Variants in PIK3CB observed in about 807,000 individuals in gnomAD.
The protein encoded by PIK3CB is phosphatidylinositol-4,5-bisphosphate 3-kinase catalytic subunit beta.
PIK3CB carries 39 observed loss-of-function variants against 136.8 expected under a neutral mutation model. The observed-to-expected ratio is 0.29, with a 90% CI of 0.22 to 0.37. The LOEUF (loss-of-function observed/expected upper bound fraction) is 0.37, where lower values mean the gene tolerates loss of function less well. Among genes scored for constraint, PIK3CB ranks in the 10% least tolerant of loss-of-function variants. The probability of loss-of-function intolerance (pLI) is 1.00; values close to 1 mark genes in which losing one functional copy is unlikely to be tolerated. For synonymous variants in PIK3CB, 428 were observed against 436.6 expected, an observed-to-expected ratio of 0.98 and a Z score of 0.25; for missense variants, 868 against 1,275.4, an observed-to-expected ratio of 0.68 and a Z score of 4.87.
At chr3:138,664,985 T>C in intron 20 of PIK3CB, 51 bp downstream of exon 20, 1 of 1,306,594 alleles carries the variant, frequency 7.7e-7, no homozygotes, top group Non-Finnish European at 1.1e-6. Flanking sequence ...GCATACAGTA[T>C]TTGTTTGGCT....
intron 1 of PIK3CB, among the ~76,000 whole-genome samples, chr3:138,811,624 C>T (rs1933062984): frequency 6.6e-6 from 1 of 152,044 alleles, no homozygotes; most frequent in African/African-American, 2.4e-5. Context: ...CGGGGTCTCA[C>T]CGTGTTAGCC....
At chr3:138,783,331 G>A (rs1393288703) in intron 2 of PIK3CB, among the ~76,000 whole-genome samples, 1 of 150,548 alleles carries the variant, frequency 6.6e-6, no homozygotes, top group East Asian at 1.9e-4. Context: ...ACCCAGGCTG[G>A]AATGCAGTAG....
At chr3:138,800,336 C>CTTT (rs35684147) in intron 1 of PIK3CB, among the ~76,000 whole-genome samples, 1 of 143,438 alleles carries the variant, frequency 7.0e-6, no homozygotes, top group African/African-American at 2.5e-5. Context: ...ACCCATGACA[C>CTTT]TTTTTTTTTT....
At position 138,665,491 on chromosome 3, in the gene PIK3CB, T is replaced by C. The variant is rs563388875; in HGVS notation, c.2505-288A>G. ...GCTTGTGTAGGTGGACAGAAGTACA[T>C]TGGATCAAAGTCTTTCACTCTTACT... On this transcript the variant is annotated intron_variant, in intron 19 of 23. Coordinates refer to ENST00000674063, the MANE Select transcript of PIK3CB (RefSeq NM_006219.3). 3.3e-5 allele frequency among the ~76,000 whole-genome samples: 5 copies of C among 152,322 alleles called. No homozygotes were observed. In the East Asian group the frequency reaches 7.7e-4, roughly 24 times the overall value.
intron 22 of PIK3CB, among the ~76,000 whole-genome samples, chr3:138,657,114 A>G (rs1285980784): frequency 6.6e-6 from 1 of 152,094 alleles, no homozygotes; most frequent in Non-Finnish European, 1.5e-5. Flanking sequence ...AGAAAACTAG[A>G]CCCACTGAGG....
intron 21 of PIK3CB, among the ~76,000 whole-genome samples, chr3:138,662,156 A>C (rs2043308783): frequency 6.7e-6 from 1 of 150,032 alleles, no homozygotes; most frequent in Admixed American, 6.6e-5. Flanking sequence ...ACATGTGCAC[A>C]ATGTGCCGGT....
At position 138,714,537 on chromosome 3, in the gene PIK3CB, T is replaced by C. The variant is rs372696411; in HGVS notation, c.1233A>G (p.Val411=). ...TAGTTTTCGTTGATTTCTTCGTTTT[T>C]ACTTTATCCAAAACTGCATAAACAG... ...CFAVYAVLDK[V]KTKKSTKTIN... is the part of the protein sequence containing the mutation. Residue 411 remains valine, a synonymous_variant, in exon 9 of 24, where the codon GTA becomes GTG. Coordinates refer to ENST00000674063, the MANE Select transcript of PIK3CB (RefSeq NM_006219.3). 1.9e-5 allele frequency: 30 copies of C among 1,612,380 alleles called. No individual in the cohort carries two copies. The highest frequency in any genetic ancestry group is 2.5e-5 in the Non-Finnish European group (29 of 1,178,544).
intron 2 of PIK3CB, among the ~76,000 whole-genome samples, chr3:138,769,440 A>G (rs1279763845): frequency 1.3e-5 from 2 of 152,228 alleles, no homozygotes; most frequent in Non-Finnish European, 2.9e-5. Flanking sequence ...AATCAGAGGA[A>G]TGTAAACCCA....
At chr3:138,781,421 C>T (rs2045921879) in intron 2 of PIK3CB, among the ~76,000 whole-genome samples, 1 of 151,972 alleles carries the variant, frequency 6.6e-6, no homozygotes, top group Non-Finnish European at 1.5e-5. Flanking sequence ...TGAAGCCAGC[C>T]TGGACAACAT....
rs1383883982 is a variant in PIK3CB at position 138,834,775 on chromosome 3, C to G, written c.-202G>C. 1 of 153,406 alleles carries G rather than the reference C, an allele frequency of 6.5e-6. No homozygotes were observed. The highest frequency in any genetic ancestry group is 1.4e-5 in the Non-Finnish European group (1 of 69,448). 9.5% of individuals were successfully genotyped at this position (153,406 alleles called of 1,614,324 possible). A position where few individuals can be genotyped will look rare whatever the true frequency, so the allele number is the denominator to read the frequency against. On this transcript the variant is annotated 5_prime_UTR_variant, in exon 1 of 24. Transcript: ENST00000674063. The stretch of plus-strand genomic sequence containing the variant: ...CCCAGGCCGCCGCAACCGCTCCACT[C>G]CGGCGCCCCCATCCCTGCCTCTCTC...
chr3:138,757,269 T>C (rs1576394190), intron 3 of PIK3CB, among the ~76,000 whole-genome samples: 1 of 152,010 alleles, frequency 6.6e-6, no homozygotes, highest in East Asian at 1.9e-4. Context: ...CTGGGCATGG[T>C]GGTGTGCACC....
At chr3:138,729,497 C>T (rs925511186) in intron 8 of PIK3CB, among the ~76,000 whole-genome samples, 9 of 152,108 alleles carry the variant, frequency 5.9e-5, no homozygotes, top group African/African-American at 2.2e-4. Flanking sequence ...TAGCCTCATC[C>T]AACTAGCTGA....
At chr3:138,705,610 G>A (rs1369167283) in intron 11 of PIK3CB, among the ~76,000 whole-genome samples, 1 of 152,102 alleles carries the variant, frequency 6.6e-6, no homozygotes, top group Admixed American at 6.6e-5. Context: ...AAGAAAGAGT[G>A]AATTACATAA....
intron 2 of PIK3CB, among the ~76,000 whole-genome samples, chr3:138,792,346 A>AT (rs2046060818): frequency 1.0e-5 from 1 of 97,738 alleles, no homozygotes; most frequent in South Asian, 3.8e-4. Flanking sequence ...TAGGTATTAT[A>AT]ATTTTTTTCA....
rs573042908 is a variant in PIK3CB at position 138,796,562 on chromosome 3, C to G, written c.-116G>C. The stretch of plus-strand genomic sequence containing the variant: ...CATGGAAGACTTTTTCCAGTTAAAA[C>G]ATACACTACAAAAAAGGTTGAAGAC... On this transcript the variant is annotated 5_prime_UTR_variant, in exon 2 of 24. An upstream start codon of the reference 5' UTR is lost. Transcript: ENST00000674063. 48 of 152,164 alleles carry G rather than the reference C, an allele frequency of 3.2e-4. No individual in the cohort carries two copies. Among genetic ancestry groups the G allele is most frequent in the African/African-American group, 1.1e-3 (45 of 41,528 alleles). 9.4% of individuals were successfully genotyped at this position (152,164 alleles called of 1,614,324 possible).
At chr3:138,742,879 G>A in intron 4 of PIK3CB, 98 bp from the exon 5 acceptor site, 2 of 616,652 alleles carry the variant, frequency 3.2e-6, no homozygotes, top group Admixed American at 6.9e-5. Flanking sequence ...TAACTTGGAT[G>A]TTGGATGCTT....
chr3:138,788,957 T>C (rs2046014571), intron 2 of PIK3CB, among the ~76,000 whole-genome samples: 1 of 107,704 alleles, frequency 9.3e-6, no homozygotes, highest in Non-Finnish European at 1.7e-5. Flanking sequence ...AGAGAGAGAC[T>C]TCGTCTCAAA....
At chr3:138,825,191 C>A in intron 1 of PIK3CB, 1 of 302,684 alleles carries the variant, frequency 3.3e-6, no homozygotes, top group Non-Finnish European at 6.3e-6. Flanking sequence ...AATATGAGAA[C>A]AGCAAGTATT....
chr3:138,764,338 C>T (rs747279644), intron 2 of PIK3CB, among the ~76,000 whole-genome samples: 3 of 151,316 alleles, frequency 2.0e-5, no homozygotes, highest in African/African-American at 4.9e-5. Flanking sequence ...GTGGTCCTAG[C>T]TACTAGGGAG....
Sources: allele counts gnomAD v4.1 joint callset (sites outside exome capture counted in the v4.1 genomes callset), GRCh38; gene constraint gnomAD v4.1.1; transcripts MANE v1.5; gene names NCBI Gene and HGNC (gene_info 2026-07-23, HGNC 2026-07-21).